The following DNMBP variants were observed in gnomAD, a reference collection of about 807,000 sequenced individuals.
DNMBP encodes the protein dynamin binding protein, also known as dynamin-binding protein.
Under a neutral mutation model 150.0 loss-of-function variants are expected in DNMBP, and 87 were observed. That is an observed-to-expected ratio of 0.58 (90% CI 0.49 to 0.69). DNMBP has a LOEUF of 0.69. Among genes scored for constraint, DNMBP ranks in the 30% least tolerant of loss-of-function variants. The pLI is 0.00. For missense variants in DNMBP, 1,774 were observed against 1,949.0 expected (o/e 0.91, Z 1.69); for synonymous variants, 711 against 750.4 (o/e 0.95, Z 0.86).
chr10:99,910,662 A>T (rs1477510807), intron 4 of DNMBP, among the ~76,000 whole-genome samples: 1 of 152,224 alleles, frequency 6.6e-6, no homozygotes, highest in African/African-American at 2.4e-5. Context: ...GGGGCAGAGA[A>T]GGTATAGCTG....
At chr10:99,945,874 CAGAAAAAATGTTTTCAACATT>C (rs764930437) in intron 4 of DNMBP, among the ~76,000 whole-genome samples, 10 of 152,138 alleles carry the variant, frequency 6.6e-5, no homozygotes, top group Non-Finnish European at 1.0e-4. Flanking sequence ...TCAGAAGAAG[CAGAAAAAATGTTTTCAACATT>C]AAAAAGAAAA....
chr10:99,996,907 ATTTC>A (rs1200501129), intron 1 of DNMBP, among the ~76,000 whole-genome samples: 5 of 152,364 alleles, frequency 3.3e-5, no homozygotes, highest in East Asian at 1.9e-4. Context: ...AAGAAAACGG[ATTTC>A]TTTGTGTCTA....
At chr10:99,928,401 T>G (rs2040106585) in intron 4 of DNMBP, among the ~76,000 whole-genome samples, 1 of 152,176 alleles carries the variant, frequency 6.6e-6, no homozygotes, top group South Asian at 2.1e-4. Flanking sequence ...ATCATTCACA[T>G]TCTCTGACTA....
chr10:99,952,900 T>C (rs1044879084), intron 4 of DNMBP, among the ~76,000 whole-genome samples: 1 of 152,206 alleles, frequency 6.6e-6, no homozygotes, highest in Non-Finnish European at 1.5e-5. Flanking sequence ...TGCTTTTATC[T>C]CTTATTAGTA....
intron 4 of DNMBP, among the ~76,000 whole-genome samples, chr10:99,916,564 C>G (rs1487242594): frequency 5.9e-5 from 9 of 151,946 alleles, no homozygotes; most frequent in Admixed American, 5.2e-4. Context: ...AAGGGAAAGG[C>G]CAATTTTATT....
intron 1 of DNMBP, among the ~76,000 whole-genome samples, chr10:99,983,421 A>T (rs2040798856): frequency 6.6e-6 from 1 of 152,198 alleles, no homozygotes; most frequent in South Asian, 2.1e-4. Flanking sequence ...AAGGAAGGAA[A>T]TGAGAGAAGC....
chr10:99,930,125 A>T (rs1393510156), intron 4 of DNMBP: 12 of 702,878 alleles, frequency 1.7e-5, no homozygotes, highest in African/African-American at 3.5e-5. Context: ...CAGGCTGACC[A>T]TCAGGATAAC....
intron 11 of DNMBP, among the ~76,000 whole-genome samples, chr10:99,889,649 G>A (rs892594489): frequency 2.0e-5 from 3 of 152,080 alleles, no homozygotes; most frequent in South Asian, 4.1e-4. Context: ...GCTTTCTTTC[G>A]AGACCAGCCT....
At chr10:99,890,106 A>G (rs978173525) in intron 11 of DNMBP, among the ~76,000 whole-genome samples, 4 of 152,140 alleles carry the variant, frequency 2.6e-5, no homozygotes, top group Non-Finnish European at 5.9e-5. Context: ...TTATATCTGT[A>G]TATATAAAGC....
At chr10:99,929,716 T>C (rs927330761) in intron 4 of DNMBP, 25 of 702,874 alleles carry the variant, frequency 3.6e-5, no homozygotes, top group Admixed American at 1.0e-4. Context: ...TTTAATTTTT[T>C]CTCTTCCTCT....
intron 3 of DNMBP, among the ~76,000 whole-genome samples, chr10:99,964,741 C>T (rs895392808): frequency 2.0e-5 from 3 of 151,650 alleles, no homozygotes; most frequent in Non-Finnish European, 4.4e-5. Context: ...TGTGGTGGCA[C>T]ACACCTGTAA....
intron 14 of DNMBP, 87 bp downstream of exon 14, chr10:99,885,600 A>G: frequency 2.5e-6 from 3 of 1,215,418 alleles, no homozygotes; most frequent in Non-Finnish European, 3.4e-6. Context: ...AGAAACTCCA[A>G]TAGTGGGATC....
intron 1 of DNMBP, among the ~76,000 whole-genome samples, chr10:99,977,142 A>C (rs1267928589): frequency 6.6e-6 from 1 of 152,120 alleles, no homozygotes; most frequent in African/African-American, 2.4e-5. Flanking sequence ...CTGACCTCCT[A>C]CTCCATTGGA....
In DNMBP at chr10:99,877,092, C is replaced by CATTA; in HGVS notation, c.*58_*59insTAAT. On this transcript the variant is annotated 3_prime_UTR_variant, in exon 17 of 17. Coordinates refer to ENST00000324109, the MANE Select transcript of DNMBP (RefSeq NM_015221.4). ...AGCAGGCGCCCTCTCGGTGGGCCGCCAGAACCCTCGGCGGACTGAAAGCAA... is the reference window on the plus strand; with the variant it reads ...AGCAGGCGCCCTCTCGGTGGGCCGCCATTAAGAACCCTCGGCGGACTGAAAGCAA... 7.2e-7 allele frequency: 1 copy of CATTA among 1,383,404 alleles called. No individual in the cohort carries two copies. The allele number at this position is 1,383,404 out of a possible 1,614,324, so 85.7% of individuals were successfully genotyped here.
At chr10:99,968,224 T>C (rs1589443406) in intron 3 of DNMBP, among the ~76,000 whole-genome samples, 1 of 152,144 alleles carries the variant, frequency 6.6e-6, no homozygotes, top group East Asian at 1.9e-4. Flanking sequence ...GATAAGACAG[T>C]AGTAAAATGC....
chr10:99,988,353 G>A (rs1404518815), intron 1 of DNMBP, among the ~76,000 whole-genome samples: 1 of 152,108 alleles, frequency 6.6e-6, no homozygotes, highest in Non-Finnish European at 1.5e-5. Flanking sequence ...TGTCAGATTT[G>A]CATATAAGGG....
At chr10:99,908,881 TC>T (rs2039860368) in intron 5 of DNMBP, 71 bp downstream of exon 5, 4 of 1,360,910 alleles carry the variant, frequency 2.9e-6, no homozygotes, top group Admixed American at 4.4e-5. Flanking sequence ...TGGCGAAAGC[TC>T]CTATATCCTA....
intron 1 of DNMBP, among the ~76,000 whole-genome samples, chr10:99,993,856 G>A (rs951414412): frequency 6.6e-6 from 1 of 152,084 alleles, no homozygotes; most frequent in African/African-American, 2.4e-5. Flanking sequence ...TGAATATTCT[G>A]CCTTGAAAAA....
intron 1 of DNMBP, 116 bp from the exon 2 acceptor site, chr10:99,972,250 G>T: frequency 9.9e-7 from 1 of 1,015,156 alleles, no homozygotes; most frequent in Non-Finnish European, 1.4e-6. Context: ...TGAAGCCAAA[G>T]CTAAGCAAAT....
Sources: gnomAD v4.1 joint callset for allele counts (sites outside exome capture counted in the v4.1 genomes callset) on GRCh38, gnomAD v4.1.1 for gene constraint, MANE v1.5 for transcripts, NCBI Gene and HGNC (gene_info 2026-07-23, HGNC 2026-07-21) for gene names.